CARHSP1: variants seen among roughly 807,000 people sequenced by gnomAD.
The protein encoded by CARHSP1 is calcium regulated heat stable protein 1.
A neutral mutation model predicts 12.5 loss-of-function variants in CARHSP1; 14 were observed. The ratio of observed to expected loss-of-function variants is 1.12; its 90% CI spans 0.74 to 1.75. The LOEUF is 1.75. Ranked by LOEUF, CARHSP1 falls within the 40% of genes most tolerant of loss-of-function variation. CARHSP1 has a pLI of 0.00. For synonymous variants in CARHSP1, 161 were observed against 82.0 expected (o/e 1.96, Z -5.20); for missense variants, 343 against 201.6 (o/e 1.70, Z -4.25).
At chr16:8,860,816 A>C (rs951978557) in intron 1 of CARHSP1, among the ~76,000 whole-genome samples, 1 of 151,884 alleles carries the variant, frequency 6.6e-6, no homozygotes, top group Admixed American at 6.6e-5. Context: ...TTTGAGAGGC[A>C]GAGGCAGGTG....
chr16:8,864,888 G>C (rs565724911), intron 1 of CARHSP1, among the ~76,000 whole-genome samples: 1 of 152,300 alleles, frequency 6.6e-6, no homozygotes, highest in African/African-American at 2.4e-5. Flanking sequence ...CAAGACTCTG[G>C]CTTTCCCAGC....
intron 1 of CARHSP1, 21 bp from the exon 2 acceptor site, chr16:8,859,356 C>T (rs772742946): frequency 6.3e-7 from 1 of 1,590,274 alleles, no homozygotes; most frequent in African/African-American, 1.4e-5. Flanking sequence ...AAGAGGCTGT[C>T]AGGGGCTCGT....
intron 1 of CARHSP1, chr16:8,866,414 G>T (rs924717519): frequency 2.0e-6 from 2 of 983,930 alleles, no homozygotes; most frequent in African/African-American, 1.7e-5. Flanking sequence ...GCAGAGTAGC[G>T]AAGTTACCTT....
At chr16:8,865,688 T>G (rs1293654192) in intron 1 of CARHSP1, among the ~76,000 whole-genome samples, 1 of 152,166 alleles carries the variant, frequency 6.6e-6, no homozygotes, top group African/African-American at 2.4e-5. Flanking sequence ...CAGGCTGTAG[T>G]GCTTTCATAC....
chr16:8,863,848 A>ATG (rs2061411183), intron 1 of CARHSP1, among the ~76,000 whole-genome samples: 1 of 152,132 alleles, frequency 6.6e-6, no homozygotes, highest in South Asian at 2.1e-4. Flanking sequence ...CAATACACAC[A>ATG]TACACAAGGA....
intron 1 of CARHSP1, chr16:8,861,511 G>A (rs1040829232): frequency 2.7e-5 from 25 of 941,562 alleles, no homozygotes; most frequent in Non-Finnish European, 3.5e-5. Context: ...AGCCACCCAA[G>A]AACCAGGCCC....
At chr16:8,855,472 C>T (rs2061069627) in intron 3 of CARHSP1, 146 bp from the exon 4 acceptor site, 1 of 654,568 alleles carries the variant, frequency 1.5e-6, no homozygotes, top group South Asian at 3.3e-5. Context: ...AGAACTGCCC[C>T]TCCACCAGAG....
intron 1 of CARHSP1, chr16:8,866,521 G>C (rs891361385): frequency 6.2e-6 from 6 of 965,758 alleles, no homozygotes; most frequent in African/African-American, 1.8e-5. Flanking sequence ...GAGAACTGCC[G>C]GCACGTGGGC....
Position 8,859,233 on chromosome 16 carries a change from G to A in CARHSP1, c.96C>T (p.Ser32=), listed in dbSNP as rs1376364432. 12 of 1,602,180 alleles carry A rather than the reference G, an allele frequency of 7.5e-6. No individual in the cohort carries two copies. Among genetic ancestry groups the A allele is most frequent in the Non-Finnish European group, 1.0e-5 (12 of 1,176,754 alleles). Residue 32 remains serine (S), a synonymous_variant, in exon 2 of 4, where the codon TCC becomes TCT. Coordinates refer to ENST00000311052, the MANE Select transcript of CARHSP1 (RefSeq NM_014316.4). ...DTPRSRERSP[S]PLRGNVVPSP... is the part of the protein sequence containing the mutation. ...TTGGGACCACGTTGCCCCGCAGAGG[G>A]GATGGTGAGCGCTCACGGCTCCGAG...
intron 1 of CARHSP1, among the ~76,000 whole-genome samples, chr16:8,864,165 A>G (rs1290168131): frequency 6.6e-6 from 1 of 152,198 alleles, no homozygotes; most frequent in Non-Finnish European, 1.5e-5. Flanking sequence ...GCACATGTGT[A>G]TGTGTGTGCT....
rs138772999 is a variant in CARHSP1, at chr16:8,864,665, T to C, written c.-8+4301A>G. Among the ~76,000 whole-genome samples the C allele has an allele frequency of 9.8e-5, 15 of 152,300 alleles. No individual in the cohort carries two copies. In the East Asian group the frequency reaches 2.7e-3, roughly 27 times the overall value. On this transcript the variant is annotated intron_variant, in intron 1 of 3. Coordinates refer to ENST00000311052, the MANE Select transcript of CARHSP1 (RefSeq NM_014316.4). Reference sequence around the variant, plus strand: ...GCACCAGGAGGTGCCCAGCTGGCCATGCACCCCCTTCCCCAGTCAGCCCCC... The same window carrying C: ...GCACCAGGAGGTGCCCAGCTGGCCACGCACCCCCTTCCCCAGTCAGCCCCC...
At position 8,862,467 on chromosome 16, in the gene CARHSP1, G is replaced by C. The variant is rs575403236; in HGVS notation, c.-7-3132C>G. 4.6e-5 allele frequency among the ~76,000 whole-genome samples: 7 copies of C among 152,216 alleles called. No individual in the cohort carries two copies. In the South Asian group the frequency reaches 1.5e-3, roughly 32 times the overall value. The stretch of plus-strand genomic sequence containing the variant: ...CCCTGTTCAAGGCCCCAGAGACAAA[G>C]GGCTGAACTTGAAGCCAGAGAATAA... On this transcript the variant is annotated intron_variant, in intron 1 of 3. Coordinates refer to ENST00000311052, the MANE Select transcript of CARHSP1 (RefSeq NM_014316.4).
At chr16:8,864,715 G>A (rs1033025497) in intron 1 of CARHSP1, among the ~76,000 whole-genome samples, 1 of 152,170 alleles carries the variant, frequency 6.6e-6, no homozygotes, top group South Asian at 2.1e-4. Context: ...GCCCGGCCAA[G>A]GGAGGGAGCC....
rs973008836 is a variant in CARHSP1, at chr16:8,868,659, C to G, written c.-8+307G>C. On this transcript the variant is annotated intron_variant, in intron 1 of 3. Transcript: ENST00000311052. ...CAGGGCTCCCGCCCAAAGGCAAAAG[C>G]AGCGGGGAGGGCGGGAAGAGCTTCC... 12 of 152,098 alleles carry G rather than the reference C, an allele frequency of 7.9e-5. No homozygotes were observed. In the East Asian group the frequency reaches 2.2e-3, roughly 28 times the overall value. 9.4% of individuals were successfully genotyped at this position (152,098 alleles called of 1,614,324 possible).
In CARHSP1 at chr16:8,860,214, G is replaced by A. The variant is rs779602994; in HGVS notation, c.-7-879C>T. The A allele has an allele frequency of 2.1e-5, 21 of 985,212 alleles. No homozygotes were observed. The East Asian group carries it at 3.4e-4, about 16-fold the overall frequency. 61.0% of individuals were successfully genotyped at this position (985,212 alleles called of 1,614,324 possible). A position where few individuals can be genotyped will look rare whatever the true frequency, so the allele number is the denominator to read the frequency against. On this transcript the variant is annotated intron_variant, in intron 1 of 3. Coordinates refer to ENST00000311052, the MANE Select transcript of CARHSP1 (RefSeq NM_014316.4). ...ACAAGCCTGCACCCAGGACTGGGGGGCCTGCTGCGAGAGCCCAAAGGGAAA... is the reference window on the plus strand; with the variant it reads ...ACAAGCCTGCACCCAGGACTGGGGGACCTGCTGCGAGAGCCCAAAGGGAAA...
Position 8,856,139 on chromosome 16 carries a change from G to T in CARHSP1, c.282-813C>A, listed in dbSNP as rs553024790. ...GTGAGCCTTCAAGAAGGTCCCTTTG[G>T]TGCATGAAGCTAGTTCCTGGAGGGG... On this transcript the variant is annotated intron_variant, in intron 3 of 3. Transcript: ENST00000311052. Among the ~76,000 whole-genome samples the T allele has an allele frequency of 2.6e-5, 4 of 152,266 alleles. No individual in the cohort carries two copies. The East Asian group carries it at 7.7e-4, about 29-fold the overall frequency.
chr16:8,866,685 G>C (rs2061461296), intron 1 of CARHSP1, among the ~76,000 whole-genome samples: 1 of 151,782 alleles, frequency 6.6e-6, no homozygotes, highest in African/African-American at 2.4e-5. Context: ...TGGCGAGGGA[G>C]GAGCAGAGAG....
In CARHSP1 at chr16:8,855,335, G is replaced by A. The variant is rs1215635592; in HGVS notation, c.282-9C>T. The A allele has an allele frequency of 2.6e-6, 4 of 1,544,140 alleles. No individual in the cohort carries two copies. The highest frequency in any genetic ancestry group is 1.4e-5 in the African/African-American group (1 of 72,700). ...CATACTCCCCTTCCACACTACGGGG[G>A]CATAAATAAAGCAGTCAGGGCTCAC... On this transcript the variant is annotated splice_polypyrimidine_tract_variant and intron_variant, in intron 3 of 3. Coordinates refer to ENST00000311052, the MANE Select transcript of CARHSP1 (RefSeq NM_014316.4).
chr16:8,867,838 C>A (rs1394795302), intron 1 of CARHSP1: 1 of 152,344 alleles, frequency 6.6e-6, no homozygotes, highest in Non-Finnish European at 1.5e-5. Flanking sequence ...AAGGTAGTGG[C>A]GGAAGATAAC....
Sources: gnomAD v4.1 joint callset for allele counts (sites outside exome capture counted in the v4.1 genomes callset) on GRCh38, gnomAD v4.1.1 for gene constraint, MANE v1.5 for transcripts, NCBI Gene and HGNC (gene_info 2026-07-23, HGNC 2026-07-21) for gene names.